ABCC2: variants seen among roughly 807,000 people sequenced by gnomAD.
ABCC2 encodes ATP-binding cassette sub-family C member 2.
Under a neutral mutation model 173.4 loss-of-function variants are expected in ABCC2, and 157 were observed. The observed-to-expected ratio is 0.91, with a 90% CI of 0.80 to 1.03. The LOEUF is 1.03. Ranked by LOEUF, ABCC2 falls within the 50% of genes least tolerant of loss-of-function variation. ABCC2 has a pLI of 0.00. For missense variants in ABCC2, 1,822 were observed against 1,852.3 expected, an observed-to-expected ratio of 0.98 and a Z score of 0.30; for synonymous variants, 657 against 693.5, an observed-to-expected ratio of 0.95 and a Z score of 0.83.
At chr10:99,834,681 C>A in intron 24 of ABCC2, 146 bp downstream of exon 24, 2 of 1,008,672 alleles carry the variant, frequency 2.0e-6, no homozygotes, top group Non-Finnish European at 3.1e-6. Context: ...TGTTGACATA[C>A]CCAGGAGCCC....
chr10:99,827,525 T>C (rs1379048309), intron 19 of ABCC2, among the ~76,000 whole-genome samples: 2 of 152,120 alleles, frequency 1.3e-5, no homozygotes, highest in African/African-American at 4.8e-5. Flanking sequence ...TATCTTCTTC[T>C]GTTTGAAATG....
chr10:99,844,501 T>C lies in ABCC2; in HGVS notation c.3987+36T>C, dbSNP rs771746751. ...TGAAGGAAGGCCTGGATGGGAGGCC[T>C]TGTGATCAAACAACAATTGGACAGA... On this transcript the variant is annotated intron_variant, in intron 28 of 31. Transcript: ENST00000647814. The C allele has an allele frequency of 8.7e-6, 14 of 1,608,428 alleles. No individual in the cohort carries two copies. The East Asian group carries it at 2.9e-4, about 33-fold the overall frequency.
At chr10:99,806,604 C>T (rs1383702180) in intron 11 of ABCC2, among the ~76,000 whole-genome samples, 1 of 152,062 alleles carries the variant, frequency 6.6e-6, no homozygotes, top group Non-Finnish European at 1.5e-5. Context: ...TTTTTAAATT[C>T]TGTTATTCCC....
chr10:99,805,264 C>T, intron 10 of ABCC2, 118 bp from the exon 11 acceptor site: 1 of 837,784 alleles, frequency 1.2e-6, no homozygotes, highest in East Asian at 2.6e-5. Context: ...TCACTGGGCA[C>T]CTCAAGTTCT....
Position 99,817,453 on chromosome 10 carries a change from C to G in ABCC2, c.2240C>G (p.Pro747Arg), listed in dbSNP as rs774814801. ...CALLPDLEML[P>R]GGDLAEIGEK... ...CTCCTCCCAGACTTGGAAATGCTGC[C>G]TGGAGGAGATTTGGCTGAGATTGGA... The change falls in exon 17 of 32, where the codon CCT becomes CGT. Residue 747 changes from proline to arginine, a missense_variant. Pro to Arg is a moderately radical substitution (Grantham distance 103, BLOSUM62 -2). Transcript: ENST00000647814. The G allele has an allele frequency of 3.1e-6, 5 of 1,613,962 alleles. No individual in the cohort carries two copies. The South Asian group carries it at 5.5e-5, about 18-fold the overall frequency.
At position 99,818,892 on chromosome 10, in the gene ABCC2, G is replaced by A. The variant is rs1181046957; in HGVS notation, c.2374G>A (p.Asp792Asn). The change falls in exon 18 of 32, where the codon GAT becomes AAT. Residue 792 changes from aspartate to asparagine, a missense_variant. By Grantham distance (23) the Asp-to-Asn change is conservative. Transcript: ENST00000647814. ...TCTAGATGACCCCCTGTCTGCAGTG[G>A]ATGCTCATGTAGGAAAACATATTTT... Reference protein sequence around the residue: ...YLLDDPLSAVDAHVGKHIFNK... With the variant: ...YLLDDPLSAVNAHVGKHIFNK... The A allele has an allele frequency of 6.2e-7, 1 of 1,613,998 alleles. No homozygotes were observed. Among genetic ancestry groups the A allele is most frequent in the Non-Finnish European group, 8.5e-7 (1 of 1,179,950 alleles).
intron 16 of ABCC2, 41 bp from the exon 17 acceptor site, chr10:99,817,267 G>A: frequency 6.2e-7 from 1 of 1,607,900 alleles, no homozygotes; most frequent in Non-Finnish European, 8.5e-7. Context: ...CTGCGTTTCT[G>A]GAGGTGCAGC....
chr10:99,815,347 G>A (rs1189439956), intron 16 of ABCC2, among the ~76,000 whole-genome samples: 1 of 151,986 alleles, frequency 6.6e-6, no homozygotes, highest in Admixed American at 6.6e-5. Flanking sequence ...GTCTATCATT[G>A]ATGATGCCCG....
Position 99,791,174 on chromosome 10 carries a change from G to A in ABCC2, c.208-1060G>A, listed in dbSNP as rs558130991. Among the ~76,000 whole-genome samples the A allele has an allele frequency of 2.2e-3, 337 of 152,256 alleles. 2 individuals carry two copies. Among genetic ancestry groups the A allele is most frequent in the Non-Finnish European group, 1.9e-3 (129 of 68,020 alleles). ...TGTAATCGCAGCAGTTTGGGAGGCC[G>A]AGGCAGGCAGATCACCTGAGATCAG... On this transcript the variant is annotated intron_variant, in intron 2 of 31. Transcript: ENST00000647814.
At chr10:99,811,355 C>A (rs1409211645) in intron 14 of ABCC2, among the ~76,000 whole-genome samples, 181 bp from the exon 15 acceptor site, 2 of 151,842 alleles carry the variant, frequency 1.3e-5, no homozygotes, top group African/African-American at 2.4e-5. Flanking sequence ...ACTTCATATG[C>A]AGGCCACTTC....
At chr10:99,814,378 C>CACGTATGTATACACATGTAT (rs1564684750) in intron 16 of ABCC2, among the ~76,000 whole-genome samples, 1 of 24,096 alleles carries the variant, frequency 4.2e-5, no homozygotes, top group Non-Finnish European at 9.5e-5. Flanking sequence ...TATATATACA[C>CACGTATGTATACACATGTAT]ATATATACAT....
chr10:99,806,691 G>A (rs533100270), intron 11 of ABCC2, among the ~76,000 whole-genome samples: 56 of 152,190 alleles, frequency 3.7e-4, no homozygotes, highest in Non-Finnish European at 5.9e-4. Context: ...AATGAAGTTT[G>A]TATGGGATAG....
intron 31 of ABCC2, among the ~76,000 whole-genome samples, chr10:99,851,298 C>T (rs2039085347): frequency 6.6e-6 from 1 of 152,192 alleles, no homozygotes; most frequent in African/African-American, 2.4e-5. Flanking sequence ...CTCATACTGC[C>T]TGTATTCTTC....
In ABCC2 at chr10:99,797,096, G is replaced by A. The variant is rs1242558715; in HGVS notation, c.633-1G>A. 6.2e-7 allele frequency: 1 copy of A among 1,613,952 alleles called. No individual in the cohort carries two copies. Reference sequence around the variant, plus strand: ...CAGCCTGTGGTTCGCTCTTGTTCCAGCATCATTCTGAAAGGCTACAAGCGT... The same window carrying A: ...CAGCCTGTGGTTCGCTCTTGTTCCAACATCATTCTGAAAGGCTACAAGCGT... On this transcript the variant is annotated splice_acceptor_variant, in intron 6 of 31. Transcript: ENST00000647814. LOFTEE classifies it high-confidence loss of function.
chr10:99,851,007 A>G (rs1213752436), intron 31 of ABCC2, among the ~76,000 whole-genome samples: 1 of 152,212 alleles, frequency 6.6e-6, no homozygotes. Flanking sequence ...TCATATCTTG[A>G]GGGCAAAATA....
intron 6 of ABCC2, among the ~76,000 whole-genome samples, chr10:99,796,692 A>C (rs1391441065): frequency 1.3e-5 from 2 of 152,098 alleles, no homozygotes; most frequent in African/African-American, 4.8e-5. Context: ...CTCAAAAAAA[A>C]CACAAAAAAC....
intron 2 of ABCC2, among the ~76,000 whole-genome samples, chr10:99,786,698 CTCTACTA>C (rs1186646272): frequency 6.6e-6 from 1 of 152,100 alleles, no homozygotes; most frequent in Non-Finnish European, 1.5e-5. Context: ...GAAACCCCAT[CTCTACTA>C]AAAATACAAA....
intron 25 of ABCC2, among the ~76,000 whole-genome samples, chr10:99,839,063 G>T (rs1315507382): frequency 3.0e-5 from 4 of 133,808 alleles, no homozygotes; most frequent in Non-Finnish European, 6.5e-5. Context: ...CCTCCCGGAC[G>T]GGGCGGCTGG....
chr10:99,819,366 G>C, intron 19 of ABCC2, 97 bp downstream of exon 19: 1 of 1,196,956 alleles, frequency 8.4e-7, no homozygotes, highest in East Asian at 2.4e-5. Flanking sequence ...CAGTGAACTA[G>C]ATTTGGAAGC....
Sources: gnomAD v4.1 joint callset for allele counts (sites outside exome capture counted in the v4.1 genomes callset) on GRCh38, gnomAD v4.1.1 for gene constraint, MANE v1.5 for transcripts, NCBI Gene and HGNC (gene_info 2026-07-23, HGNC 2026-07-21) for gene names.